The following FGF7 variants were observed in gnomAD, a reference collection of about 807,000 sequenced individuals.
FGF7 encodes fibroblast growth factor 7, also known as FGF-7.
FGF7 carries 6 observed loss-of-function variants against 20.5 expected under a neutral mutation model. The observed-to-expected ratio is 0.29, with a 90% CI of 0.16 to 0.58. The LOEUF is 0.58. Ranked by LOEUF, FGF7 falls within the 20% of genes least tolerant of loss-of-function variation. FGF7 has a pLI of 0.90. For missense variants in FGF7, 144 were observed against 228.8 expected, an observed-to-expected ratio of 0.63 and a Z score of 2.39; for synonymous variants, 64 against 74.7, an observed-to-expected ratio of 0.86 and a Z score of 0.74.
In FGF7 at chr15:49,425,395, G is replaced by A. The variant is rs1362956440; in HGVS notation, c.286+812G>A. On this transcript the variant is annotated intron_variant, in intron 2 of 3. Coordinates refer to ENST00000267843, the MANE Select transcript of FGF7 (RefSeq NM_002009.4). ...GTGTTTTGCATTTAATGGTTATGAT[G>A]AATAACCAACTTCAATAGTATTAAA... The A allele has an allele frequency of 2.6e-5, 4 of 151,914 alleles. No homozygotes were observed. The East Asian group carries it at 7.7e-4, about 29-fold the overall frequency. The allele number at this position is 151,914 out of a possible 1,614,324, so 9.4% of individuals were successfully genotyped here.
intron 2 of FGF7, among the ~76,000 whole-genome samples, chr15:49,436,416 A>G (rs2051110041): frequency 6.6e-6 from 1 of 151,572 alleles, no homozygotes; most frequent in Non-Finnish European, 1.5e-5. Flanking sequence ...TCCTTTTATC[A>G]ACACAAGCTG....
At chr15:49,474,658 C>T (rs1321826280) in intron 2 of FGF7, among the ~76,000 whole-genome samples, 2 of 151,958 alleles carry the variant, frequency 1.3e-5, no homozygotes, top group South Asian at 2.1e-4. Context: ...GGCTGGGGAC[C>T]GGTACTGGTC....
At chr15:49,466,596 C>T (rs1385445853) in intron 2 of FGF7, among the ~76,000 whole-genome samples, 27 of 151,912 alleles carry the variant, frequency 1.8e-4, no homozygotes, top group Admixed American at 1.3e-4. Flanking sequence ...CTTATGAATA[C>T]ATAAAGGGTT....
intron 2 of FGF7, chr15:49,425,401 C>G (rs888948016): frequency 1.3e-5 from 2 of 151,832 alleles, no homozygotes; most frequent in Admixed American, 6.6e-5. Flanking sequence ...TGATGAATAA[C>G]CAACTTCAAT....
chr15:49,426,319 C>T (rs1338235605), intron 2 of FGF7, among the ~76,000 whole-genome samples: 1 of 151,836 alleles, frequency 6.6e-6, no homozygotes, highest in Non-Finnish European at 1.5e-5. Context: ...TTATCTCACA[C>T]AACGAATGAG....
At chr15:49,439,263 C>A (rs530981095) in intron 2 of FGF7, among the ~76,000 whole-genome samples, 90 of 147,204 alleles carry the variant, frequency 6.1e-4, no homozygotes, top group Admixed American at 3.3e-3. Context: ...TCAGACTGAG[C>A]AATGAGAGGG....
chr15:49,442,552 T>G (rs1409200803), intron 2 of FGF7, among the ~76,000 whole-genome samples: 1 of 151,734 alleles, frequency 6.6e-6, no homozygotes, highest in Non-Finnish European at 1.5e-5. Flanking sequence ...TCTTTTCCAA[T>G]TCCCTTGTCA....
chr15:49,471,223 T>C (rs921584741), intron 2 of FGF7, among the ~76,000 whole-genome samples: 42 of 150,918 alleles, frequency 2.8e-4, no homozygotes, highest in African/African-American at 1.0e-3. Flanking sequence ...CAGTGACTCG[T>C]GCCTGTAATC....
At chr15:49,436,108 G>T (rs1002496370) in intron 2 of FGF7, among the ~76,000 whole-genome samples, 9 of 151,474 alleles carry the variant, frequency 5.9e-5, no homozygotes, top group Admixed American at 5.9e-4. Flanking sequence ...AAGTTTGCTG[G>T]TATATAAATT....
intron 2 of FGF7, among the ~76,000 whole-genome samples, chr15:49,481,456 A>G (rs1042554648): frequency 4.6e-5 from 7 of 152,232 alleles, no homozygotes; most frequent in Non-Finnish European, 1.0e-4. Flanking sequence ...CTAAAAGGGC[A>G]AGGCTTGTCT....
chr15:49,451,744 AC>A (rs1291629566), intron 2 of FGF7, among the ~76,000 whole-genome samples: 1 of 152,104 alleles, frequency 6.6e-6, no homozygotes, highest in Non-Finnish European at 1.5e-5. Flanking sequence ...GGGGATTAAT[AC>A]TCCTAAATTT....
intron 2 of FGF7, among the ~76,000 whole-genome samples, chr15:49,435,402 G>A (rs1193376423): frequency 2.0e-5 from 3 of 151,604 alleles, no homozygotes; most frequent in African/African-American, 4.8e-5. Context: ...TGGATCACCT[G>A]TTTCAACTAT....
chr15:49,480,689 G>T (rs2055864366), intron 2 of FGF7, among the ~76,000 whole-genome samples: 1 of 152,130 alleles, frequency 6.6e-6, no homozygotes, highest in Middle Eastern at 3.4e-3. Context: ...CGCCATGTTG[G>T]CCAGGTTAGT....
At chr15:49,439,824 T>A (rs1430090710) in intron 2 of FGF7, among the ~76,000 whole-genome samples, 2 of 151,710 alleles carry the variant, frequency 1.3e-5, no homozygotes. Context: ...ATCACACTAA[T>A]GGTTGTATGA....
chr15:49,484,172 T>A, intron 3 of FGF7, 138 bp from the exon 4 acceptor site: 1 of 594,336 alleles, frequency 1.7e-6, no homozygotes, highest in Non-Finnish European at 2.9e-6. Flanking sequence ...ATAAACCACA[T>A]TAGGCCTGCT....
chr15:49,448,107 A>C (rs17478785), intron 2 of FGF7, among the ~76,000 whole-genome samples: 41,283 of 151,538 alleles, frequency 0.27, 6,853 homozygotes, highest in Non-Finnish European at 0.38. Flanking sequence ...AATATGAAGC[A>C]ACATATTATG....
At chr15:49,469,557 T>C (rs774155126) in intron 2 of FGF7, among the ~76,000 whole-genome samples, 16 of 152,200 alleles carry the variant, frequency 1.1e-4, no homozygotes, top group Middle Eastern at 3.4e-3. Context: ...GCCAAAACAG[T>C]GGCTTATGAA....
chr15:49,479,525 A>C (rs1185033695), intron 2 of FGF7, among the ~76,000 whole-genome samples: 1 of 134,470 alleles, frequency 7.4e-6, no homozygotes, highest in Admixed American at 7.5e-5. Context: ...CATATTACAT[A>C]TTTTTCTATT....
intron 2 of FGF7, among the ~76,000 whole-genome samples, chr15:49,442,271 T>C (rs997531694): frequency 9.2e-5 from 14 of 151,718 alleles, no homozygotes; most frequent in Admixed American, 8.6e-4. Flanking sequence ...TCACTCTGCA[T>C]GACAATATTG....
Sources: allele counts gnomAD v4.1 joint callset (sites outside exome capture counted in the v4.1 genomes callset), GRCh38; gene constraint gnomAD v4.1.1; transcripts MANE v1.5; gene names NCBI Gene and HGNC (gene_info 2026-07-23, HGNC 2026-07-21).